Variants in LRRTM4 observed in about 807,000 individuals in gnomAD.
The protein encoded by LRRTM4 is leucine rich repeat transmembrane neuronal 4.
Under a neutral mutation model 47.6 loss-of-function variants are expected in LRRTM4, and 25 were observed. The ratio of observed to expected loss-of-function variants is 0.53; its 90% CI spans 0.38 to 0.73. LRRTM4 has a LOEUF of 0.73. LRRTM4 is among the 30% of genes least tolerant of loss of function. The probability of loss-of-function intolerance (pLI) is 0.00; values close to 1 mark genes in which losing one functional copy is unlikely to be tolerated. For synonymous variants in LRRTM4, 311 were observed against 269.5 expected, an observed-to-expected ratio of 1.15 and a Z score of -1.51; for missense variants, 638 against 713.4, an observed-to-expected ratio of 0.89 and a Z score of 1.20.
chr2:77,328,568 T>A (rs1356747535), intron 3 of LRRTM4, among the ~76,000 whole-genome samples: 1 of 152,290 alleles, frequency 6.6e-6, no homozygotes, highest in African/African-American at 2.4e-5. Flanking sequence ...GGCCACAGTT[T>A]GAGGATATAA....
intron 3 of LRRTM4, among the ~76,000 whole-genome samples, chr2:77,103,541 A>G (rs1242150483): frequency 6.6e-6 from 1 of 151,980 alleles, no homozygotes; most frequent in Non-Finnish European, 1.5e-5. Flanking sequence ...TGAACTCTAT[A>G]CCAATATCCT....
chr2:76,964,779 A>AAAGC (rs1675969419), intron 3 of LRRTM4, among the ~76,000 whole-genome samples: 1 of 150,880 alleles, frequency 6.6e-6, no homozygotes, highest in Non-Finnish European at 1.5e-5. Context: ...AAAACAGAGA[A>AAAGC]AAGCAATGAA....
intron 3 of LRRTM4, among the ~76,000 whole-genome samples, chr2:77,269,020 A>T (rs1318808286): frequency 6.6e-6 from 1 of 152,074 alleles, no homozygotes; most frequent in Non-Finnish European, 1.5e-5. Flanking sequence ...GAACCACTGA[A>T]CCTTTGCACA....
At chr2:77,220,547 A>G (rs956780867) in intron 3 of LRRTM4, among the ~76,000 whole-genome samples, 1 of 152,254 alleles carries the variant, frequency 6.6e-6, no homozygotes, top group African/African-American at 2.4e-5. Flanking sequence ...CACCAGAACT[A>G]CATGATGAAT....
intron 3 of LRRTM4, among the ~76,000 whole-genome samples, chr2:76,792,909 A>G (rs182420206): frequency 2.1e-3 from 325 of 152,240 alleles, no homozygotes; most frequent in Non-Finnish European, 3.9e-3. Flanking sequence ...CCATCGTTTC[A>G]TATATTTTCC....
intron 3 of LRRTM4, among the ~76,000 whole-genome samples, chr2:76,947,856 C>T (rs757754336): frequency 1.8e-4 from 28 of 151,784 alleles, no homozygotes; most frequent in Non-Finnish European, 3.5e-4. Context: ...ACAGCAGATT[C>T]TTATCAGAGC....
At chr2:77,461,141 G>GAA (rs1300995250) in intron 3 of LRRTM4, among the ~76,000 whole-genome samples, 3 of 95,760 alleles carry the variant, frequency 3.1e-5, no homozygotes, top group African/African-American at 1.1e-4. Flanking sequence ...TACACAGTGA[G>GAA]AGAGAGAGAG....
intron 3 of LRRTM4, among the ~76,000 whole-genome samples, chr2:77,205,176 C>T (rs1674087439): frequency 6.6e-6 from 1 of 152,134 alleles, no homozygotes; most frequent in Admixed American, 6.5e-5. Context: ...TACCACTTAT[C>T]TTAGATTTGG....
At chr2:76,890,704 C>T (rs1453806472) in intron 3 of LRRTM4, among the ~76,000 whole-genome samples, 4 of 151,880 alleles carry the variant, frequency 2.6e-5, no homozygotes, top group Non-Finnish European at 5.9e-5. Context: ...AAAAAGTATA[C>T]ATATCAACAA....
At chr2:76,926,453 G>A (rs1408547756) in intron 3 of LRRTM4, among the ~76,000 whole-genome samples, 1 of 152,082 alleles carries the variant, frequency 6.6e-6, no homozygotes, top group East Asian at 1.9e-4. Flanking sequence ...TATATGACAA[G>A]GAGATACATT....
intron 3 of LRRTM4, among the ~76,000 whole-genome samples, chr2:76,892,416 C>A (rs1461114451): frequency 2.6e-5 from 4 of 151,548 alleles, no homozygotes; most frequent in Admixed American, 6.6e-5. Flanking sequence ...GAAACATGTG[C>A]CCTGCACCGT....
chr2:77,209,971 C>A (rs993460099), intron 3 of LRRTM4, among the ~76,000 whole-genome samples: 2 of 152,270 alleles, frequency 1.3e-5, no homozygotes, highest in African/African-American at 4.8e-5. Flanking sequence ...CTGTTCCCAA[C>A]ACAGAATACA....
intron 3 of LRRTM4, among the ~76,000 whole-genome samples, chr2:77,127,941 G>A (rs900513354): frequency 4.6e-5 from 7 of 152,086 alleles, no homozygotes; most frequent in Non-Finnish European, 8.8e-5. Context: ...TCAGGAGTTC[G>A]AGACCTGCCT....
intron 3 of LRRTM4, among the ~76,000 whole-genome samples, chr2:77,174,129 C>T (rs1030998235): frequency 6.6e-6 from 1 of 152,118 alleles, no homozygotes; most frequent in Non-Finnish European, 1.5e-5. Context: ...CCACCAAATG[C>T]ACCTCCCACT....
At chr2:77,221,658 A>C (rs997197616) in intron 3 of LRRTM4, among the ~76,000 whole-genome samples, 1 of 152,034 alleles carries the variant, frequency 6.6e-6, no homozygotes, top group Non-Finnish European at 1.5e-5. Context: ...AGAGCTAACT[A>C]TCCTAAATAT....
chr2:77,308,074 CAT>C (rs1336040385), intron 3 of LRRTM4, among the ~76,000 whole-genome samples: 8 of 138,654 alleles, frequency 5.8e-5, no homozygotes, highest in African/African-American at 1.9e-4. Context: ...ATCTATATAA[CAT>C]ATATAGATAT....
intron 3 of LRRTM4, among the ~76,000 whole-genome samples, chr2:77,493,118 A>G (rs1428903914): frequency 6.6e-6 from 1 of 152,200 alleles, no homozygotes; most frequent in East Asian, 1.9e-4. Context: ...TCCGAAACAT[A>G]CTCGCCAAAA....
intron 3 of LRRTM4, among the ~76,000 whole-genome samples, chr2:77,494,628 A>C (rs1298325397): frequency 6.6e-6 from 1 of 151,806 alleles, no homozygotes; most frequent in Non-Finnish European, 1.5e-5. Context: ...CTCAGATTGT[A>C]TTTTAATAGA....
intron 3 of LRRTM4, among the ~76,000 whole-genome samples, chr2:76,912,489 G>C (rs974988605): frequency 6.6e-6 from 1 of 152,050 alleles, no homozygotes; most frequent in African/African-American, 2.4e-5. Flanking sequence ...TAAATTCTTA[G>C]AAACAAAATC....
Sources: gnomAD v4.1 joint callset for allele counts (sites outside exome capture counted in the v4.1 genomes callset) on GRCh38, gnomAD v4.1.1 for gene constraint, MANE v1.5 for transcripts, NCBI Gene and HGNC (gene_info 2026-07-23, HGNC 2026-07-21) for gene names.